Variants in ABHD17C observed in about 807,000 individuals in gnomAD.
ABHD17C encodes the protein alpha/beta hydrolase domain-containing protein 17C.
ABHD17C carries 11 observed loss-of-function variants against 27.9 expected under a neutral mutation model. The ratio of observed to expected loss-of-function variants is 0.39; its 90% CI spans 0.25 to 0.65. The LOEUF is 0.65. Ranked by LOEUF, ABHD17C falls within the 30% of genes least tolerant of loss-of-function variation. ABHD17C has a pLI of 0.45. For synonymous variants in ABHD17C, 233 were observed against 209.1 expected, an observed-to-expected ratio of 1.11 and a Z score of -0.98; for missense variants, 280 against 470.2, an observed-to-expected ratio of 0.60 and a Z score of 3.74.
At chr15:80,745,657 G>A (rs1227247848) in intron 1 of ABHD17C, among the ~76,000 whole-genome samples, 10 of 152,216 alleles carry the variant, frequency 6.6e-5, no homozygotes, top group South Asian at 4.2e-4. Context: ...GTGAGCCATC[G>A]CGCCCAGCCT....
At chr15:80,736,615 T>G (rs1339604127) in intron 1 of ABHD17C, among the ~76,000 whole-genome samples, 1 of 152,246 alleles carries the variant, frequency 6.6e-6, no homozygotes, top group Non-Finnish European at 1.5e-5. Context: ...CAGTTAACAT[T>G]CACGTTACCT....
At chr15:80,738,992 G>A (rs1470161880) in intron 1 of ABHD17C, among the ~76,000 whole-genome samples, 1 of 152,174 alleles carries the variant, frequency 6.6e-6, no homozygotes. Context: ...AAAGGGGTGA[G>A]GATTGAGCTT....
At chr15:80,701,665 C>T (rs1251528427) in intron 1 of ABHD17C, among the ~76,000 whole-genome samples, 1 of 143,084 alleles carries the variant, frequency 7.0e-6, no homozygotes, top group Non-Finnish European at 1.5e-5. Context: ...GGCGACAGAG[C>T]GAGACTCCAT....
intron 1 of ABHD17C, among the ~76,000 whole-genome samples, chr15:80,711,375 T>C (rs919294144): frequency 2.0e-5 from 3 of 152,160 alleles, no homozygotes; most frequent in African/African-American, 7.2e-5. Context: ...TGATCGCTCA[T>C]TTCCCCCAAG....
intron 1 of ABHD17C, among the ~76,000 whole-genome samples, chr15:80,706,037 G>A (rs1894643768): frequency 6.6e-6 from 1 of 152,202 alleles, no homozygotes. Context: ...GAAGGCAAAA[G>A]CCTGTATTGT....
At chr15:80,742,211 C>T (rs372662086) in intron 1 of ABHD17C, among the ~76,000 whole-genome samples, 166 of 152,184 alleles carry the variant, frequency 1.1e-3, no homozygotes, top group Middle Eastern at 0.01. Flanking sequence ...TCCATGATCT[C>T]CCATCTGCAA....
chr15:80,740,324 A>G (rs552160291), intron 1 of ABHD17C, among the ~76,000 whole-genome samples: 1 of 151,734 alleles, frequency 6.6e-6, no homozygotes, highest in East Asian at 1.9e-4. Context: ...CTTACGATAG[A>G]CTCTGATCAG....
At chr15:80,726,386 G>A (rs1487636277) in intron 1 of ABHD17C, among the ~76,000 whole-genome samples, 4 of 150,470 alleles carry the variant, frequency 2.7e-5, no homozygotes, top group Non-Finnish European at 4.4e-5. Flanking sequence ...CAACATTGCT[G>A]TTTTGATTTC....
chr15:80,748,110 C>A (rs1041185708), intron 1 of ABHD17C, among the ~76,000 whole-genome samples: 4 of 152,190 alleles, frequency 2.6e-5, no homozygotes, highest in Non-Finnish European at 5.9e-5. Flanking sequence ...TGGTGCTCTC[C>A]ATAAAGCATG....
intron 1 of ABHD17C, among the ~76,000 whole-genome samples, chr15:80,723,203 A>G (rs905053709): frequency 6.6e-6 from 1 of 151,768 alleles, no homozygotes; most frequent in Non-Finnish European, 1.5e-5. Context: ...GGAATCTTTT[A>G]AATTCCAATA....
chr15:80,745,156 C>T (rs117258452), intron 1 of ABHD17C, among the ~76,000 whole-genome samples: 2,338 of 152,286 alleles, frequency 0.015, 39 homozygotes, highest in Non-Finnish European at 0.024. Context: ...CATAGACTAT[C>T]CCCAGCATTT....
intron 1 of ABHD17C, 59 bp downstream of exon 1, chr15:80,696,078 C>T (rs1026187375): frequency 7.3e-5 from 107 of 1,469,420 alleles, no homozygotes; most frequent in Non-Finnish European, 9.1e-5. Context: ...GGGTGGGGGT[C>T]TCTTGGGGCC....
intron 1 of ABHD17C, among the ~76,000 whole-genome samples, chr15:80,721,236 A>T (rs1894893820): frequency 2.9e-5 from 4 of 139,874 alleles, no homozygotes. Flanking sequence ...TAACTCTTTG[A>T]CTTCCCTTTT....
At chr15:80,735,395 C>A (rs1428348622) in intron 1 of ABHD17C, among the ~76,000 whole-genome samples, 2 of 152,252 alleles carry the variant, frequency 1.3e-5, no homozygotes, top group East Asian at 3.9e-4. Context: ...TCCCTGTGCC[C>A]CTCTACCTGC....
At chr15:80,701,615 G>C in intron 1 of ABHD17C, among the ~76,000 whole-genome samples, 1 of 151,158 alleles carries the variant, frequency 6.6e-6, no homozygotes, top group African/African-American at 2.4e-5. Context: ...GGAGGCAGAG[G>C]TTGCAGTGAG....
chr15:80,726,702 T>C (rs1472687630), intron 1 of ABHD17C, among the ~76,000 whole-genome samples: 1 of 151,850 alleles, frequency 6.6e-6, no homozygotes, highest in Non-Finnish European at 1.5e-5. Flanking sequence ...TTAGTAGAGA[T>C]GGGGTTTCAC....
intron 1 of ABHD17C, among the ~76,000 whole-genome samples, chr15:80,740,029 T>G (rs1895187397): frequency 6.6e-6 from 1 of 152,110 alleles, no homozygotes. Flanking sequence ...CCTGGGTTTG[T>G]TTTCATTTGT....
chr15:80,696,076 G>A (rs1369790176), intron 1 of ABHD17C, 57 bp downstream of exon 1: 1 of 1,479,706 alleles, frequency 6.8e-7, no homozygotes, highest in Non-Finnish European at 9.1e-7. Context: ...CGGGGTGGGG[G>A]TCTCTTGGGG....
At chr15:80,703,276 G>A (rs1414557368) in intron 1 of ABHD17C, 12 of 152,236 alleles carry the variant, frequency 7.9e-5, no homozygotes. Context: ...CTGATCACCC[G>A]TTAAGGGTCC....
Sources: gnomAD v4.1 joint callset for allele counts (sites outside exome capture counted in the v4.1 genomes callset) on GRCh38, gnomAD v4.1.1 for gene constraint, MANE v1.5 for transcripts, NCBI Gene and HGNC (gene_info 2026-07-23, HGNC 2026-07-21) for gene names.